Variants in SLIT3 observed in about 807,000 individuals in gnomAD.
The protein encoded by SLIT3 is slit guidance ligand 3, also known as slit homolog 3 protein.
A neutral mutation model predicts 184.0 loss-of-function variants in SLIT3; 68 were observed. That is an observed-to-expected ratio of 0.37 (90% confidence interval 0.30 to 0.45). SLIT3 has a LOEUF of 0.45. Ranked by LOEUF, SLIT3 falls within the 20% of genes least tolerant of loss-of-function variation. The pLI, the probability that SLIT3 is intolerant of heterozygous loss-of-function variation, is 1.00. For missense variants in SLIT3, 1,707 were observed against 2,026.0 expected (o/e 0.84, Z 3.02); for synonymous variants, 831 against 828.6 (o/e 1.00, Z -0.05).
intron 3 of SLIT3, among the ~76,000 whole-genome samples, 181 bp downstream of exon 3, chr5:169,244,524 T>C (rs1765514625): frequency 6.6e-6 from 1 of 152,204 alleles, no homozygotes; most frequent in Non-Finnish European, 1.5e-5. Flanking sequence ...TGTAAGTGGA[T>C]CTCAGTGTTT....
At chr5:169,204,329 A>G (rs1763994720) in intron 3 of SLIT3, among the ~76,000 whole-genome samples, 1 of 152,150 alleles carries the variant, frequency 6.6e-6, no homozygotes, top group Non-Finnish European at 1.5e-5. Context: ...GATGGGCATG[A>G]CCTATTAGCA....
intron 4 of SLIT3, chr5:169,024,735 A>G (rs1027364476): frequency 5.9e-5 from 9 of 152,244 alleles, no homozygotes; most frequent in Admixed American, 2.0e-4. Flanking sequence ...GCGGGGTGGT[A>G]ACAGCCTGGA....
chr5:168,695,005 T>C (rs980952924), intron 28 of SLIT3, among the ~76,000 whole-genome samples: 3 of 152,200 alleles, frequency 2.0e-5, no homozygotes, highest in Non-Finnish European at 4.4e-5. Flanking sequence ...CAAGTGGTTT[T>C]CTCAGTTGGT....
At chr5:168,887,422 G>A (rs930538262) in intron 4 of SLIT3, among the ~76,000 whole-genome samples, 2 of 152,100 alleles carry the variant, frequency 1.3e-5, no homozygotes, top group African/African-American at 4.8e-5. Flanking sequence ...GAAGTGGGTG[G>A]GGCTAATTAT....
At chr5:169,109,455 C>T (rs1760332563) in intron 4 of SLIT3, among the ~76,000 whole-genome samples, 1 of 152,232 alleles carries the variant, frequency 6.6e-6, no homozygotes. Context: ...ACCTCGTTTA[C>T]AGTCCTGAGA....
At chr5:168,850,939 C>T (rs1758645817) in intron 5 of SLIT3, among the ~76,000 whole-genome samples, 1 of 152,204 alleles carries the variant, frequency 6.6e-6, no homozygotes, top group African/African-American at 2.4e-5. Context: ...AACTCCACTT[C>T]TGTGTTTACA....
At chr5:168,838,245 TG>T (rs540235370) in intron 6 of SLIT3, among the ~76,000 whole-genome samples, 110 of 152,334 alleles carry the variant, frequency 7.2e-4, no homozygotes, top group Non-Finnish European at 8.5e-4. Context: ...CCCTCGTACT[TG>T]CCACTGTGAC....
intron 1 of SLIT3, chr5:169,263,814 C>A: frequency 2.7e-6 from 1 of 377,060 alleles, no homozygotes. Flanking sequence ...TCTTTCATCA[C>A]GTTGCCTTGC....
At chr5:169,118,260 T>C (rs994747024) in intron 4 of SLIT3, among the ~76,000 whole-genome samples, 1 of 152,170 alleles carries the variant, frequency 6.6e-6, no homozygotes, top group Non-Finnish European at 1.5e-5. Flanking sequence ...TCCTCAATAA[T>C]TTGTATTAGG....
At chr5:169,061,799 C>T (rs1030024325) in intron 4 of SLIT3, among the ~76,000 whole-genome samples, 15 of 152,104 alleles carry the variant, frequency 9.9e-5, no homozygotes, top group African/African-American at 3.1e-4. Context: ...CAGATCATGA[C>T]GGATACCCTC....
intron 20 of SLIT3, among the ~76,000 whole-genome samples, chr5:168,733,639 G>C (rs4410659): frequency 0.024 from 3,677 of 152,182 alleles, 147 homozygotes; most frequent in African/African-American, 0.084. Context: ...GGGTTGGGAT[G>C]CAAGGGAAGG....
chr5:169,077,584 T>C (rs1445687566), intron 4 of SLIT3, among the ~76,000 whole-genome samples: 1 of 152,102 alleles, frequency 6.6e-6, no homozygotes, highest in Non-Finnish European at 1.5e-5. Context: ...ACATATAAAA[T>C]ATCTGTTCAT....
chr5:169,173,986 C>A (rs1762893840), intron 4 of SLIT3, among the ~76,000 whole-genome samples: 1 of 152,200 alleles, frequency 6.6e-6, no homozygotes, highest in Admixed American at 6.5e-5. Context: ...CCAGGCCCAA[C>A]AGAAGTCCTT....
intron 6 of SLIT3, among the ~76,000 whole-genome samples, chr5:168,842,195 G>T (rs1758277858): frequency 6.6e-6 from 1 of 152,134 alleles, no homozygotes; most frequent in Non-Finnish European, 1.5e-5. Flanking sequence ...TAAGATGGAT[G>T]GTTTCAAAGC....
At chr5:169,143,657 C>T (rs544874676) in intron 4 of SLIT3, among the ~76,000 whole-genome samples, 1 of 152,238 alleles carries the variant, frequency 6.6e-6, no homozygotes, top group Non-Finnish European at 1.5e-5. Context: ...AAAAATTAGT[C>T]GGGCATTGTG....
At chr5:169,294,440 T>TG (rs11429199) in intron 1 of SLIT3, among the ~76,000 whole-genome samples, 126,986 of 152,168 alleles carry the variant, frequency 0.83, 53,323 homozygotes, top group East Asian at 0.91. Context: ...GGCTCTGCTG[T>TG]GGGGGCAGGA....
intron 4 of SLIT3, among the ~76,000 whole-genome samples, chr5:169,093,360 C>T (rs1008662211): frequency 6.6e-6 from 1 of 152,004 alleles, no homozygotes; most frequent in Non-Finnish European, 1.5e-5. Context: ...CTGATTATAA[C>T]TGGGCAAACT....
intron 4 of SLIT3, among the ~76,000 whole-genome samples, chr5:169,028,572 T>C (rs1756917449): frequency 6.6e-6 from 1 of 152,274 alleles, no homozygotes; most frequent in Non-Finnish European, 1.5e-5. Context: ...GCTATAATCA[T>C]CATTGCTTGT....
chr5:169,156,138 T>C (rs976100891), intron 4 of SLIT3, among the ~76,000 whole-genome samples: 1 of 152,222 alleles, frequency 6.6e-6, no homozygotes. Context: ...TTCTGCAGAA[T>C]GTCAGGCTCA....
Sources: allele counts gnomAD v4.1 joint callset (sites outside exome capture counted in the v4.1 genomes callset), GRCh38; gene constraint gnomAD v4.1.1; transcripts MANE v1.5; gene names NCBI Gene and HGNC (gene_info 2026-07-23, HGNC 2026-07-21).